The following KCTD1 variants were observed in gnomAD, a reference collection of about 807,000 sequenced individuals.
KCTD1 encodes BTB/POZ domain-containing protein KCTD1.
Under a neutral mutation model 66.0 loss-of-function variants are expected in KCTD1, and 24 were observed. That is an observed-to-expected ratio of 0.36 (90% CI 0.26 to 0.51). The LOEUF (loss-of-function observed/expected upper bound fraction) is 0.51, where lower values mean the gene tolerates loss of function less well. Ranked by LOEUF, KCTD1 falls within the 20% of genes least tolerant of loss-of-function variation. The probability of loss-of-function intolerance (pLI) is 0.95; values close to 1 mark genes in which losing one functional copy is unlikely to be tolerated. For synonymous variants in KCTD1, 511 were observed against 517.2 expected (o/e 0.99, Z 0.16); for missense variants, 943 against 1,205.2 (o/e 0.78, Z 3.22).
At chr18:26,459,473 A>G (rs1980284268) in intron 4 of KCTD1, 147 bp downstream of exon 4, 2 of 699,488 alleles carry the variant, frequency 2.9e-6, no homozygotes, top group Non-Finnish European at 4.7e-6. Flanking sequence ...AATGACTGCT[A>G]TAGAGGGTGA....
At chr18:26,508,733 C>T (rs2144706672) in intron 1 of KCTD1, among the ~76,000 whole-genome samples, 1 of 114,704 alleles carries the variant, frequency 8.7e-6, no homozygotes, top group East Asian at 2.2e-4. Context: ...CTCTCTCACA[C>T]ACACACACAC....
chr18:26,583,316 C>T (rs4331408), intron 1 of KCTD1, among the ~76,000 whole-genome samples: 75,979 of 148,930 alleles, frequency 0.51, 19,332 homozygotes, highest in Middle Eastern at 0.59. Flanking sequence ...ATCACTTGAA[C>T]CCAGGAGGCG....
At chr18:26,607,793 G>C (rs950732096) in intron 1 of KCTD1, among the ~76,000 whole-genome samples, 19 of 151,942 alleles carry the variant, frequency 1.3e-4, no homozygotes, top group Admixed American at 3.3e-4. Context: ...TTTGAGACAG[G>C]GTCTTACTCT....
chr18:26,641,605 C>A (rs1987834905), upstream of KCTD1, among the ~76,000 whole-genome samples: 1 of 152,088 alleles, frequency 6.6e-6, no homozygotes, highest in Admixed American at 6.6e-5. Context: ...TTATGACAAC[C>A]CCCATCCTAG....
At chr18:26,597,322 A>G (rs1986789358) in intron 1 of KCTD1, among the ~76,000 whole-genome samples, 1 of 152,038 alleles carries the variant, frequency 6.6e-6, no homozygotes, top group Admixed American at 6.6e-5. Flanking sequence ...GGGAGGAAGG[A>G]ACAAACTTGA....
At chr18:26,619,020 G>T (rs1987316812) in intron 1 of KCTD1, among the ~76,000 whole-genome samples, 2 of 152,136 alleles carry the variant, frequency 1.3e-5, no homozygotes, top group Admixed American at 6.5e-5. Flanking sequence ...GGCCTTCTCT[G>T]GAGTCTTGGA....
intron 1 of KCTD1, chr18:26,599,404 G>A: frequency 6.2e-7 from 1 of 1,611,362 alleles, no homozygotes; most frequent in Non-Finnish European, 8.5e-7. Flanking sequence ...TGCACTGCAA[G>A]AATGGCAGAT....
rs1981365240 is a variant in KCTD1 at position 26,476,676 on chromosome 18, G to A, written c.1989-17C>T. ...CTTCCGATTCTGTGATAGAAAAGAG[G>A]GAACAGTGAAGACAATTAGATCAAT... is the stretch of plus-strand genomic sequence containing the variant. On this transcript the variant is annotated splice_polypyrimidine_tract_variant and intron_variant, in intron 2 of 4. Transcript: ENST00000580059. The surrounding 1 kb of genome is among the most constrained non-coding windows in gnomAD (Gnocchi z 4.9). 2 of 1,609,318 alleles carry A rather than the reference G, an allele frequency of 1.2e-6. No individual in the cohort carries two copies. Among genetic ancestry groups the A allele is most frequent in the Non-Finnish European group, 1.7e-6 (2 of 1,178,230 alleles).
intron 1 of KCTD1, among the ~76,000 whole-genome samples, chr18:26,595,879 A>T (rs1055533866): frequency 2.0e-5 from 3 of 152,112 alleles, no homozygotes; most frequent in Non-Finnish European, 4.4e-5. Flanking sequence ...ATCTCTACAA[A>T]AAATAATTTT....
intron 1 of KCTD1, among the ~76,000 whole-genome samples, chr18:26,519,512 C>T (rs578142737): frequency 2.9e-4 from 44 of 152,306 alleles, no homozygotes; most frequent in African/African-American, 8.2e-4. Context: ...TTAATAATAA[C>T]GACACTTAAC....
At chr18:26,467,596 A>G (rs570575681) in intron 3 of KCTD1, among the ~76,000 whole-genome samples, 1 of 152,086 alleles carries the variant, frequency 6.6e-6, no homozygotes, top group Non-Finnish European at 1.5e-5. Flanking sequence ...TGGGTGGATC[A>G]CCTGAGGTCA....
At chr18:26,599,560 G>T in intron 1 of KCTD1, 3 of 1,509,802 alleles carry the variant, frequency 2.0e-6, no homozygotes, top group Non-Finnish European at 2.8e-6. Flanking sequence ...AGCTGTTGCA[G>T]TCTGCCCACA....
In KCTD1 at chr18:26,606,080, A is replaced by G. The variant is rs1399163844; in HGVS notation, c.-16+23067T>C. ...TTTCAGGTCATAGGTAGATTTAAAA[A>G]TGTTCTGATTGGCAATTGGTTGAAA... On this transcript the variant is annotated intron_variant, in intron 1 of 4. Coordinates refer to the KCTD1 transcript ENST00000317932. Among the ~76,000 whole-genome samples, 4 of 152,312 alleles carry G rather than the reference A, an allele frequency of 2.6e-5. No individual in the cohort carries two copies. The South Asian group carries it at 6.2e-4, about 24-fold the overall frequency.
Position 26,468,796 on chromosome 18 carries a change from G to A in KCTD1, c.2133+7719C>T, listed in dbSNP as rs900733247. Reference sequence around the variant, plus strand: ...CGGGAGGCGGAGGTTGCAGTGAGCCGAGATCGTGCCGCTGCACTCCAGCCT... The same window carrying A: ...CGGGAGGCGGAGGTTGCAGTGAGCCAAGATCGTGCCGCTGCACTCCAGCCT... On this transcript the variant is annotated intron_variant, in intron 3 of 4. Coordinates refer to ENST00000580059, the MANE Select transcript of KCTD1 (RefSeq NM_001142730.3). This position sits in a 1 kb window ranked among gnomAD's most constrained non-coding sequence, Gnocchi z 4.8. Among the ~76,000 whole-genome samples the A allele has an allele frequency of 5.3e-5, 8 of 152,170 alleles. No homozygotes were observed. The South Asian group carries it at 8.3e-4, about 16-fold the overall frequency.
At chr18:26,569,777 G>C (rs1986061270) in intron 1 of KCTD1, among the ~76,000 whole-genome samples, 1 of 152,122 alleles carries the variant, frequency 6.6e-6, no homozygotes, top group African/African-American at 2.4e-5. Flanking sequence ...TCATCTATTG[G>C]AATTTAGTTT....
intron 1 of KCTD1, among the ~76,000 whole-genome samples, chr18:26,507,615 G>A (rs770533417): frequency 6.6e-6 from 1 of 152,096 alleles, no homozygotes; most frequent in East Asian, 1.9e-4. Flanking sequence ...GGCCTCAAGT[G>A]ATCAAATGCC....
intron 2 of KCTD1, among the ~76,000 whole-genome samples, chr18:26,496,718 T>TAA (rs757344709): frequency 2.7e-5 from 4 of 148,764 alleles, no homozygotes; most frequent in Admixed American, 2.0e-4. Flanking sequence ...ACTCAGGGTT[T>TAA]ACAAGCTAAA....
chr18:26,615,744 G>A (rs996712445), intron 1 of KCTD1, among the ~76,000 whole-genome samples: 4 of 152,164 alleles, frequency 2.6e-5, no homozygotes, highest in East Asian at 1.9e-4. Flanking sequence ...AGGAAAGGAC[G>A]TGGACTGTAA....
chr18:26,570,191 A>AAATATATATATATAT lies in KCTD1; in HGVS notation c.-16+58955_-16+58956insATATATATATATATT, dbSNP rs776923644. ...ACAGAGCAAGACTCCATCTAAAAAA[A>AAATATATATATATAT]ATATATATATATATATATATATATG... On this transcript the variant is annotated intron_variant, in intron 1 of 4. Coordinates refer to the KCTD1 transcript ENST00000317932. Among the ~76,000 whole-genome samples the AAATATATATATATAT allele has an allele frequency of 2.7e-3, 355 of 132,474 alleles. 1 individual carries two copies. The highest frequency in any genetic ancestry group is 0.01 in the East Asian group (42 of 4,092). The allele number at this position is 132,474 out of a possible 152,430, so 86.9% of individuals were successfully genotyped here.
Sources: allele counts gnomAD v4.1 joint callset (sites outside exome capture counted in the v4.1 genomes callset), GRCh38; gene constraint gnomAD v4.1.1; non-coding constraint Gnocchi (gnomAD v3.1); transcripts MANE v1.5; gene names NCBI Gene and HGNC (gene_info 2026-07-23, HGNC 2026-07-21).